The following ADGRV1 variants were observed in gnomAD, a reference collection of about 807,000 sequenced individuals.
The protein encoded by ADGRV1 is adhesion G protein-coupled receptor V1.
Under a neutral mutation model 596.2 loss-of-function variants are expected in ADGRV1, and 359 were observed. The observed-to-expected ratio is 0.60, with a 90% CI of 0.55 to 0.66. The LOEUF is 0.66. ADGRV1 is among the 30% of genes least tolerant of loss of function. The pLI is 0.00. For missense variants in ADGRV1, 7,274 were observed against 7,575.6 expected (o/e 0.96, Z 1.48); for synonymous variants, 2,681 against 2,679.2 (o/e 1.00, Z -0.02).
Position 90,703,803 on chromosome 5 carries a change from T to G in ADGRV1, c.8286+8T>G, listed in dbSNP as rs749353042. ...CAACTTTTCTTTCCTGAGGTAATAC[T>G]GCAAAGAAAAGTCGATCACAAATAT... On this transcript the variant is annotated splice_region_variant and intron_variant, in intron 35 of 89. Transcript: ENST00000405460. The G allele has an allele frequency of 1.7e-5, 26 of 1,573,182 alleles. No individual in the cohort carries two copies. The highest frequency in any genetic ancestry group is 2.2e-5 in the Non-Finnish European group (26 of 1,160,028).
rs1322675172 is a variant in ADGRV1, at chr5:90,627,384, A to G, written c.846A>G (p.Pro282=). ...AGGAAGACCACATACTCATAATTCC[A>G]GTAGTTCGTGGAAAGGACAACAATG... ...VPEEDHILII[P]VVRGKDNNGN... Residue 282 remains proline (P), a synonymous_variant, in exon 7 of 90, where the codon CCA becomes CCG. Coordinates refer to ENST00000405460, the MANE Select transcript of ADGRV1 (RefSeq NM_032119.4). 6.2e-7 allele frequency: 1 copy of G among 1,613,968 alleles called. No individual in the cohort carries two copies.
At chr5:90,870,026 A>G (rs553650156) in intron 83 of ADGRV1, among the ~76,000 whole-genome samples, 2 of 152,230 alleles carry the variant, frequency 1.3e-5, no homozygotes, top group African/African-American at 2.4e-5. Context: ...TGACTTAAAT[A>G]TGAAAGTGGA....
intron 83 of ADGRV1, among the ~76,000 whole-genome samples, chr5:90,938,837 A>G (rs1775934535): frequency 6.6e-6 from 1 of 152,170 alleles, no homozygotes; most frequent in African/African-American, 2.4e-5. Context: ...TAAAGTGATG[A>G]TTCTAGGATC....
At chr5:90,861,146 T>C (rs1253084966) in intron 82 of ADGRV1, among the ~76,000 whole-genome samples, 5 of 152,022 alleles carry the variant, frequency 3.3e-5, no homozygotes. Context: ...CACATAGTGG[T>C]AGGAAAAAAA....
chr5:90,811,439 T>A, intron 74 of ADGRV1, 101 bp downstream of exon 74: 1 of 1,133,286 alleles, frequency 8.8e-7, no homozygotes, highest in Non-Finnish European at 1.2e-6. Flanking sequence ...GTGAAGTTCT[T>A]AAGTTATTCA....
chr5:90,882,135 A>T (rs1249217674), intron 83 of ADGRV1, among the ~76,000 whole-genome samples: 1 of 152,214 alleles, frequency 6.6e-6, no homozygotes, highest in Non-Finnish European at 1.5e-5. Context: ...ATTACCTTTC[A>T]TATTAATATA....
chr5:91,037,196 A>C (rs185758846), intron 85 of ADGRV1, among the ~76,000 whole-genome samples: 69 of 152,220 alleles, frequency 4.5e-4, no homozygotes, highest in Non-Finnish European at 7.8e-4. Context: ...ATCCAAGTTT[A>C]GGAAAGCCCA....
At chr5:90,966,983 G>A (rs1778528345) in intron 84 of ADGRV1, among the ~76,000 whole-genome samples, 1 of 152,206 alleles carries the variant, frequency 6.6e-6, no homozygotes, top group Non-Finnish European at 1.5e-5. Context: ...GAGGAAGGTT[G>A]TGGGACTTGA....
At chr5:91,076,872 T>A (rs975155263) in intron 86 of ADGRV1, among the ~76,000 whole-genome samples, 4 of 152,162 alleles carry the variant, frequency 2.6e-5, no homozygotes, top group Non-Finnish European at 5.9e-5. Flanking sequence ...TTTTTATTTT[T>A]AATTATACTT....
intron 84 of ADGRV1, among the ~76,000 whole-genome samples, chr5:90,974,169 A>G (rs534804075): frequency 8.5e-5 from 13 of 152,314 alleles, no homozygotes; most frequent in Admixed American, 3.9e-4. Flanking sequence ...TTCAAGGAGA[A>G]CTACAAACCA....
chr5:90,675,101 T>C, intron 23 of ADGRV1, 142 bp from the exon 24 acceptor site: 3 of 605,130 alleles, frequency 5.0e-6, no homozygotes, highest in South Asian at 2.5e-5. Context: ...GTTAGTTAAA[T>C]CTTTGCTAAA....
chr5:90,712,076 A>G (rs996405173), intron 41 of ADGRV1, among the ~76,000 whole-genome samples: 5 of 152,104 alleles, frequency 3.3e-5, no homozygotes, highest in Admixed American at 3.3e-4. Flanking sequence ...GCGTGAGCCA[A>G]TGCACCCAGC....
chr5:90,595,814 C>T (rs556979502), intron 1 of ADGRV1, among the ~76,000 whole-genome samples: 264 of 141,820 alleles, frequency 1.9e-3, no homozygotes, highest in African/African-American at 6.2e-3. Flanking sequence ...CCCTCCCGGA[C>T]GGGGCAGCTG....
chr5:90,577,619 T>G (rs761091449), intron 1 of ADGRV1, among the ~76,000 whole-genome samples: 1 of 152,208 alleles, frequency 6.6e-6, no homozygotes, highest in Non-Finnish European at 1.5e-5. Flanking sequence ...TGGTTCCATA[T>G]GAAGTTTAAA....
intron 85 of ADGRV1, among the ~76,000 whole-genome samples, chr5:90,992,324 CCT>C (rs1195106095): frequency 6.6e-6 from 1 of 152,148 alleles, no homozygotes; most frequent in African/African-American, 2.4e-5. Context: ...TCTGCTAATA[CCT>C]TGTTCTCTTA....
chr5:91,085,316 CTT>C (rs1490157236), intron 86 of ADGRV1, among the ~76,000 whole-genome samples: 1 of 152,196 alleles, frequency 6.6e-6, no homozygotes, highest in Non-Finnish European at 1.5e-5. Context: ...ACACAGTTCT[CTT>C]TTGTCAGCCA....
At chr5:91,096,124 G>T (rs1232760357) in intron 86 of ADGRV1, among the ~76,000 whole-genome samples, 1 of 152,134 alleles carries the variant, frequency 6.6e-6, no homozygotes, top group Non-Finnish European at 1.5e-5. Flanking sequence ...GTTTGTTTTA[G>T]TAGCACATTC....
At chr5:91,099,179 C>G (rs1791145556) in intron 86 of ADGRV1, among the ~76,000 whole-genome samples, 1 of 151,844 alleles carries the variant, frequency 6.6e-6, no homozygotes, top group Non-Finnish European at 1.5e-5. Context: ...TTTCCCTGTA[C>G]AGTTATAATA....
At chr5:90,856,012 G>A in intron 82 of ADGRV1, 111 bp downstream of exon 82, 1 of 852,726 alleles carries the variant, frequency 1.2e-6, no homozygotes, top group Non-Finnish European at 1.8e-6. Flanking sequence ...TAATTCATCA[G>A]CACTAGAAGA....
Sources: gnomAD v4.1 joint callset for allele counts (sites outside exome capture counted in the v4.1 genomes callset) on GRCh38, gnomAD v4.1.1 for gene constraint, MANE v1.5 for transcripts, NCBI Gene and HGNC (gene_info 2026-07-23, HGNC 2026-07-21) for gene names.